The following ADPGK variants were observed in gnomAD, a reference collection of about 807,000 sequenced individuals.
ADPGK encodes ADP-dependent glucokinase.
A neutral mutation model predicts 42.4 loss-of-function variants in ADPGK; 26 were observed. That is an observed-to-expected ratio of 0.61 (90% CI 0.45 to 0.85). The LOEUF (loss-of-function observed/expected upper bound fraction) is 0.85, where lower values mean the gene tolerates loss of function less well. ADPGK is among the 40% of genes least tolerant of loss of function. The pLI is 0.00. For missense variants in ADPGK, 571 were observed against 627.0 expected, an observed-to-expected ratio of 0.91 and a Z score of 0.95; for synonymous variants, 267 against 252.6, an observed-to-expected ratio of 1.06 and a Z score of -0.54.
chr15:72,764,592 A>C (rs2066235068), intron 3 of ADPGK, among the ~76,000 whole-genome samples: 1 of 152,260 alleles, frequency 6.6e-6, no homozygotes, highest in Non-Finnish European at 1.5e-5. Context: ...TAGAAGCTGC[A>C]GCAAGTTATC....
chr15:72,764,343 T>C (rs2066231025), intron 3 of ADPGK, among the ~76,000 whole-genome samples: 1 of 152,162 alleles, frequency 6.6e-6, no homozygotes, highest in Non-Finnish European at 1.5e-5. Flanking sequence ...ACAGCCTTAT[T>C]GCTGATATGG....
chr15:72,755,723 TC>T, intron 5 of ADPGK, 69 bp from the exon 6 acceptor site: 1 of 1,277,432 alleles, frequency 7.8e-7, no homozygotes, highest in East Asian at 2.3e-5. Flanking sequence ...GAAGAAAAGA[TC>T]AGATCCTGAG....
intron 1 of ADPGK, among the ~76,000 whole-genome samples, chr15:72,778,078 G>A (rs542090529): frequency 1.7e-4 from 26 of 151,612 alleles, no homozygotes; most frequent in Non-Finnish European, 3.2e-4. Context: ...GCAAGACCCC[G>A]TCTCTACAAA....
intron 4 of ADPGK, chr15:72,757,865 C>T: frequency 2.0e-6 from 1 of 501,924 alleles, no homozygotes; most frequent in Non-Finnish European, 3.6e-6. Context: ...AGGAGCCACA[C>T]TGTATTGAAA....
chr15:72,778,992 A>G (rs184896023), intron 1 of ADPGK, among the ~76,000 whole-genome samples: 5 of 152,342 alleles, frequency 3.3e-5, no homozygotes, highest in African/African-American at 9.6e-5. Context: ...GAGTGAGGCC[A>G]TGGATTAACT....
chr15:72,779,678 T>A (rs534995891), intron 1 of ADPGK, among the ~76,000 whole-genome samples: 1 of 152,182 alleles, frequency 6.6e-6, no homozygotes, highest in Non-Finnish European at 1.5e-5. Context: ...CTTAATGCAC[T>A]AGCATTTAAG....
chr15:72,776,617 T>C (rs1206333125), intron 1 of ADPGK, among the ~76,000 whole-genome samples: 2 of 152,220 alleles, frequency 1.3e-5, no homozygotes, highest in Non-Finnish European at 2.9e-5. Flanking sequence ...ATGCTTGTAT[T>C]CCTTTTAGAA....
chr15:72,773,491 C>G (rs768971380), intron 2 of ADPGK, among the ~76,000 whole-genome samples: 6 of 152,248 alleles, frequency 3.9e-5, no homozygotes, highest in Admixed American at 6.5e-5. Context: ...TATCAACCTG[C>G]CTTAAACTAT....
chr15:72,776,867 ACT>A (rs1304135170), intron 1 of ADPGK, among the ~76,000 whole-genome samples: 1 of 152,218 alleles, frequency 6.6e-6, no homozygotes, highest in East Asian at 1.9e-4. Flanking sequence ...ACACATAATG[ACT>A]CTGGTCAACT....
chr15:72,752,201 G>T lies in ADPGK; in HGVS notation c.*140C>A. ...GATTAAAATCTGAAATGTTTTTATG[G>T]AGTTGCCAACAGGCTGGAATGTACC... On this transcript the variant is annotated 3_prime_UTR_variant, in exon 7 of 7. Transcript: ENST00000456471. 1.2e-6 allele frequency: 1 copy of T among 836,766 alleles called. No homozygotes were observed. Among genetic ancestry groups the T allele is most frequent in the Non-Finnish European group, 1.8e-6 (1 of 559,396 alleles). 51.8% of individuals were successfully genotyped at this position (836,766 alleles called of 1,614,324 possible).
chr15:72,783,479 G>A lies in ADPGK; in HGVS notation c.213C>T (p.Arg71=), dbSNP rs770546750. The change falls in exon 1 of 7, where the codon CGC becomes CGT. Residue 71 remains arginine (R), a synonymous_variant. Coordinates refer to ENST00000456471, the MANE Select transcript of ADPGK (RefSeq NM_001365225.1). ...WDALIVRPVR[R]WRRVAVGVNA... is the part of the protein sequence containing the mutation. ...CTCACCCCACTGCCACGCGGCGCCA[G>A]CGCCGGACTGGCCGCACGATAAGCG... 3 of 1,408,406 alleles carry A rather than the reference G, an allele frequency of 2.1e-6. No homozygotes were observed. Among genetic ancestry groups the A allele is most frequent in the Non-Finnish European group, 2.8e-6 (3 of 1,087,960 alleles). 87.2% of individuals were successfully genotyped at this position (1,408,406 alleles called of 1,614,324 possible). A position where few individuals can be genotyped will look rare whatever the true frequency, so the allele number is the denominator to read the frequency against.
intron 1 of ADPGK, among the ~76,000 whole-genome samples, chr15:72,775,972 T>C (rs978447219): frequency 2.0e-5 from 3 of 152,278 alleles, no homozygotes; most frequent in African/African-American, 7.2e-5. Flanking sequence ...ATATACTTTA[T>C]ACATACAGCC....
chr15:72,774,180 G>A (rs1407795725), intron 2 of ADPGK, among the ~76,000 whole-genome samples: 1 of 152,182 alleles, frequency 6.6e-6, no homozygotes, highest in African/African-American at 2.4e-5. Flanking sequence ...TAGTCACAAA[G>A]GTTTGCCTGT....
intron 6 of ADPGK, among the ~76,000 whole-genome samples, chr15:72,754,253 TAACC>T (rs1440978674): frequency 1.3e-5 from 2 of 152,118 alleles, no homozygotes; most frequent in Non-Finnish European, 2.9e-5. Flanking sequence ...CTGCAGGACT[TAACC>T]ATCTGCAGAT....
At chr15:72,752,918 T>A in intron 6 of ADPGK, 23 bp from the exon 7 acceptor site, 1 of 1,591,110 alleles carries the variant, frequency 6.3e-7, no homozygotes, top group Non-Finnish European at 8.6e-7. Flanking sequence ...ACAACAGGTA[T>A]CTTTCTGATG....
intron 1 of ADPGK, among the ~76,000 whole-genome samples, chr15:72,778,949 C>A (rs1377443305): frequency 1.3e-5 from 2 of 152,120 alleles, no homozygotes; most frequent in Non-Finnish European, 2.9e-5. Flanking sequence ...GCGGTAAGAT[C>A]GCTAATTAGT....
At chr15:72,775,231 G>A (rs765504798) in intron 1 of ADPGK, 134 bp from the exon 2 acceptor site, 1 of 699,372 alleles carries the variant, frequency 1.4e-6, no homozygotes. Context: ...CCTGAATTGG[G>A]AAGTAAACAG....
intron 3 of ADPGK, among the ~76,000 whole-genome samples, chr15:72,766,112 C>T (rs145398104): frequency 4.9e-4 from 74 of 152,258 alleles, no homozygotes; most frequent in Non-Finnish European, 9.1e-4. Flanking sequence ...CTCAGCTTCC[C>T]AAGCAGCTGA....
In ADPGK at chr15:72,752,797, C is replaced by A; in HGVS notation, c.1038G>T (p.Trp346Cys). The change falls in exon 7 of 7, where the codon TGG becomes TGT. Residue 346 changes from tryptophan (W) to cysteine (C), a missense_variant. Trp to Cys is a radical substitution (Grantham distance 215). This residue lies in a region of ADPGK where 434 missense variants were observed against 522.7 expected (regional missense o/e 0.83). Coordinates refer to ENST00000456471, the MANE Select transcript of ADPGK (RefSeq NM_001365225.1). ...CCATGCCCACATCAGGAACACCGTT[C>A]CAGGAAGAGAGAGAAGAGTGAGGTC... Reference protein sequence around the residue: ...ASGPHSSLSSWNGVPDVGMVS... With the variant: ...ASGPHSSLSSCNGVPDVGMVS... 1 of 1,614,194 alleles carries A rather than the reference C, an allele frequency of 6.2e-7. No homozygotes were observed.
Sources: gnomAD v4.1 joint callset for allele counts (sites outside exome capture counted in the v4.1 genomes callset) on GRCh38, gnomAD v4.1.1 for gene constraint, gnomAD v4.1.1 regional missense constraint, MANE v1.5 for transcripts, NCBI Gene and HGNC (gene_info 2026-07-23, HGNC 2026-07-21) for gene names.